The following ANAPC10 variants were observed in gnomAD, a reference collection of about 807,000 sequenced individuals.
ANAPC10 encodes anaphase-promoting complex subunit 10.
In ANAPC10, 12 loss-of-function variants were observed where a neutral mutation model predicts 22.0. That is an observed-to-expected ratio of 0.55 (90% CI 0.35 to 0.88). The LOEUF (loss-of-function observed/expected upper bound fraction) is 0.88, where lower values mean the gene tolerates loss of function less well. ANAPC10 is among the 40% of genes least tolerant of loss of function. The probability of loss-of-function intolerance (pLI) is 0.01; values close to 1 mark genes in which losing one functional copy is unlikely to be tolerated. For synonymous variants in ANAPC10, 65 were observed against 69.5 expected (o/e 0.94, Z 0.32); for missense variants, 188 against 220.9 (o/e 0.85, Z 0.94).
At chr4:145,026,798 C>T (rs1411482037) in intron 4 of ANAPC10, among the ~76,000 whole-genome samples, 1 of 149,576 alleles carries the variant, frequency 6.7e-6, no homozygotes, top group African/African-American at 2.5e-5. Context: ...CATTAATATC[C>T]TCAGTGATAT....
At chr4:145,064,445 T>C in intron 4 of ANAPC10, 127 bp downstream of exon 4, 1 of 681,954 alleles carries the variant, frequency 1.5e-6, no homozygotes, top group Non-Finnish European at 2.2e-6. Flanking sequence ...CACTCAAACA[T>C]GTTTTCTCCA....
At chr4:145,053,658 G>A in intron 4 of ANAPC10, 1 of 482,114 alleles carries the variant, frequency 2.1e-6, no homozygotes, top group Non-Finnish European at 3.7e-6. Context: ...CCTTTATGAA[G>A]GAGAAATGGA....
chr4:145,016,822 C>T (rs1232148912), intron 4 of ANAPC10, among the ~76,000 whole-genome samples: 2 of 152,158 alleles, frequency 1.3e-5, no homozygotes, highest in Non-Finnish European at 2.9e-5. Flanking sequence ...TACCACACAT[C>T]TACAACCATC....
intron 3 of ANAPC10, among the ~76,000 whole-genome samples, chr4:145,069,165 C>T (rs1336159418): frequency 6.6e-6 from 1 of 152,116 alleles, no homozygotes; most frequent in African/African-American, 2.4e-5. Flanking sequence ...TCTGAAGCAT[C>T]CAGAGATGCT....
intron 2 of ANAPC10, among the ~76,000 whole-genome samples, chr4:145,092,822 G>T (rs1427244011): frequency 6.6e-6 from 1 of 152,170 alleles, no homozygotes; most frequent in African/African-American, 2.4e-5. Flanking sequence ...AATCAACCCT[G>T]TTGACCCCAG....
intron 4 of ANAPC10, among the ~76,000 whole-genome samples, chr4:145,040,245 G>A (rs1366978921): frequency 3.3e-5 from 5 of 151,332 alleles, no homozygotes; most frequent in African/African-American, 7.3e-5. Flanking sequence ...TGCCTCCCAG[G>A]TTCAAACGAT....
chr4:145,047,823 T>C (rs1740545731), intron 4 of ANAPC10, among the ~76,000 whole-genome samples: 1 of 152,160 alleles, frequency 6.6e-6, no homozygotes. Flanking sequence ...TTTTACCCTT[T>C]TATTATCTTA....
At chr4:145,034,847 C>T (rs1268498086) in intron 4 of ANAPC10, among the ~76,000 whole-genome samples, 2 of 151,888 alleles carry the variant, frequency 1.3e-5, no homozygotes, top group Non-Finnish European at 2.9e-5. Context: ...CAGGAATGAG[C>T]CTGCTTTAGT....
chr4:145,017,898 G>C (rs961329788), intron 4 of ANAPC10, among the ~76,000 whole-genome samples: 1 of 145,642 alleles, frequency 6.9e-6, no homozygotes, highest in Non-Finnish European at 1.5e-5. Context: ...TGTTCTCACT[G>C]ATAGCTGGGA....
intron 4 of ANAPC10, among the ~76,000 whole-genome samples, chr4:145,048,447 G>A (rs1740640963): frequency 3.3e-5 from 5 of 152,090 alleles, no homozygotes; most frequent in Admixed American, 3.3e-4. Context: ...AACACGAAGT[G>A]GGTATCATTA....
At position 144,995,216 on chromosome 4, in the gene ANAPC10, T is replaced by A. The variant is rs1731439578; in HGVS notation, c.*157A>T. On this transcript the variant is annotated 3_prime_UTR_variant, in exon 5 of 5. Coordinates refer to ENST00000507656, the MANE Select transcript of ANAPC10 (RefSeq NM_001256706.2). ...CATGTTAAAGAAAATAAAGATAATA[T>A]GACCCCAAATTTATTTGTCAAAGTT... The A allele has an allele frequency of 2.2e-6, 1 of 453,882 alleles. No individual in the cohort carries two copies. Among genetic ancestry groups the A allele is most frequent in the South Asian group, 5.7e-5 (1 of 17,696 alleles). The allele number at this position is 453,882 out of a possible 1,614,324, so 28.1% of individuals were successfully genotyped here.
At chr4:145,031,800 T>C (rs1737629826) in intron 4 of ANAPC10, among the ~76,000 whole-genome samples, 1 of 152,140 alleles carries the variant, frequency 6.6e-6, no homozygotes, top group Non-Finnish European at 1.5e-5. Context: ...AAATAACTAC[T>C]CTCCTTTTGA....
chr4:145,005,094 T>C, intron 4 of ANAPC10, among the ~76,000 whole-genome samples: 1 of 152,156 alleles, frequency 6.6e-6, no homozygotes. Context: ...AATGTATCCA[T>C]TTCTTTTTCC....
At chr4:145,070,762 G>A (rs1297892119) in intron 3 of ANAPC10, among the ~76,000 whole-genome samples, 1 of 152,128 alleles carries the variant, frequency 6.6e-6, no homozygotes, top group Non-Finnish European at 1.5e-5. Flanking sequence ...TCTGACGAAT[G>A]GATAAACAAA....
chr4:145,086,960 C>T (rs1177870724), intron 2 of ANAPC10, among the ~76,000 whole-genome samples: 2 of 151,892 alleles, frequency 1.3e-5, no homozygotes, highest in Non-Finnish European at 2.9e-5. Context: ...GGATACGATT[C>T]TGCACTCCAG....
chr4:145,014,873 C>T (rs1195925262), intron 4 of ANAPC10, among the ~76,000 whole-genome samples: 2 of 152,120 alleles, frequency 1.3e-5, no homozygotes, highest in Non-Finnish European at 2.9e-5. Context: ...AAGCCACATC[C>T]ATAGGAAAAC....
intron 4 of ANAPC10, among the ~76,000 whole-genome samples, chr4:145,051,874 T>A (rs1741151407): frequency 6.6e-6 from 1 of 152,198 alleles, no homozygotes; most frequent in African/African-American, 2.4e-5. Flanking sequence ...AAGGACACTA[T>A]CTATTAAATA....
chr4:145,074,181 TTCTCTATTTTCCA>T (rs1744878185), intron 3 of ANAPC10, among the ~76,000 whole-genome samples: 1 of 151,408 alleles, frequency 6.6e-6, no homozygotes, highest in Non-Finnish European at 1.5e-5. Context: ...AGCAAAAAGC[TTCTCTATTTTCCA>T]TTTAAGTACA....
chr4:145,026,079 G>A (rs192546799), intron 4 of ANAPC10, among the ~76,000 whole-genome samples: 54 of 152,170 alleles, frequency 3.5e-4, no homozygotes, highest in African/African-American at 1.1e-3. Context: ...GCTCAGCTAC[G>A]AGAACACTGA....
Sources: allele counts gnomAD v4.1 joint callset (sites outside exome capture counted in the v4.1 genomes callset), GRCh38; gene constraint gnomAD v4.1.1; transcripts MANE v1.5; gene names NCBI Gene and HGNC (gene_info 2026-07-23, HGNC 2026-07-21).